TCF4: variants seen among roughly 807,000 people sequenced by gnomAD.
TCF4 encodes SL3-3 enhancer factor 2.
A neutral mutation model predicts 82.1 loss-of-function variants in TCF4; 3 were observed. The observed-to-expected ratio is 0.04, with a 90% confidence interval of 0.02 to 0.09. The LOEUF (loss-of-function observed/expected upper bound fraction) is 0.09. TCF4 is among the 10% of genes least tolerant of loss of function. The probability of loss-of-function intolerance (pLI) is 1.00; values close to 1 mark genes in which losing one functional copy is unlikely to be tolerated. For synonymous variants in TCF4, 276 were observed against 309.6 expected (o/e 0.89, Z 1.14); for missense variants, 518 against 852.7 (o/e 0.61, Z 4.89).
At chr18:55,287,850 ATATAGCT>A (rs2064053034) in intron 8 of TCF4, among the ~76,000 whole-genome samples, 1 of 152,188 alleles carries the variant, frequency 6.6e-6, no homozygotes, top group Admixed American at 6.5e-5. Context: ...TATGTTTTTC[ATATAGCT>A]GGCTGCAGTA....
At chr18:55,622,115 C>T (rs943639459) in intron 2 of TCF4, among the ~76,000 whole-genome samples, 3 of 144,142 alleles carry the variant, frequency 2.1e-5, no homozygotes, top group African/African-American at 5.2e-5. Context: ...AAATGGTCTA[C>T]ATTCACTTTA....
Position 55,269,904 on chromosome 18 carries a change from G to C in TCF4, c.849C>G (p.Phe283Leu). The C allele has an allele frequency of 6.2e-7, 1 of 1,613,378 alleles. No individual in the cohort carries two copies. Among genetic ancestry groups the C allele is most frequent in the Non-Finnish European group, 8.5e-7 (1 of 1,179,502 alleles). The change falls in exon 11 of 20, where the codon TTC becomes TTG. Residue 283 changes from phenylalanine to leucine, a missense_variant. By Grantham distance (22) the Phe-to-Leu change is conservative. Around this residue, in one of 7 missense-constraint regions of TCF4, gnomAD observed 211 missense variants for 327.4 expected, o/e 0.64. Transcript: ENST00000354452. ...TGTAATGGTTTGTACCACTACGATG[G>C]AAAGTGGACATCGGAGGAAGACTGG... ...INSSLPPMSTFHRSGTNHYST... is the reference protein window; with the variant it reads ...INSSLPPMSTLHRSGTNHYST...
intron 17 of TCF4, 47 bp from the exon 18 acceptor site, chr18:55,229,123 A>C (rs925596876): frequency 6.3e-7 from 1 of 1,598,074 alleles, no homozygotes; most frequent in Non-Finnish European, 8.6e-7. Context: ...GTGGGGAAAA[A>C]GAAGGTGTCT....
chr18:55,631,390 T>C lies in TCF4; in HGVS notation c.196-2A>G, dbSNP rs1360866334. 1.3e-6 allele frequency: 2 copies of C among 1,547,408 alleles called. No individual in the cohort carries two copies. The highest frequency in any genetic ancestry group is 2.5e-5 in the East Asian group (1 of 40,762). On this transcript the variant is annotated splice_acceptor_variant, in intron 1 of 20. Transcript: ENST00000398339. LOFTEE classifies it high-confidence loss of function. ...AGATTGGTGTTTACAAAACATTTGCTGCAGGGTGGAGAAAAGATGGTGGAC... is the reference window on the plus strand; with the variant it reads ...AGATTGGTGTTTACAAAACATTTGCCGCAGGGTGGAGAAAAGATGGTGGAC...
At chr18:55,606,604 TAGA>T (rs1291520812) in intron 2 of TCF4, among the ~76,000 whole-genome samples, 3 of 152,208 alleles carry the variant, frequency 2.0e-5, no homozygotes, top group African/African-American at 7.2e-5. Context: ...CAGATAAAGG[TAGA>T]AATTTCATTT....
At chr18:55,377,267 G>C (rs1569263016) in intron 6 of TCF4, among the ~76,000 whole-genome samples, 1 of 152,150 alleles carries the variant, frequency 6.6e-6, no homozygotes, top group Non-Finnish European at 1.5e-5. Flanking sequence ...AGGAGTTCAA[G>C]ACCAGCCTGG....
chr18:55,620,348 A>G (rs1961342), intron 2 of TCF4, among the ~76,000 whole-genome samples: 4,546 of 152,250 alleles, frequency 0.03, 217 homozygotes, highest in African/African-American at 0.1. Context: ...CCGACTAACA[A>G]TGCAAGACCC....
chr18:55,588,013 G>C, intron 1 of TCF4, 25 bp downstream of exon 1: 2 of 980,828 alleles, frequency 2.0e-6, no homozygotes, highest in Non-Finnish European at 2.4e-6. Context: ...CCGCCCCGCC[G>C]AGCCCCGCAG....
At chr18:55,629,475 A>C (rs1375614599) in intron 2 of TCF4, among the ~76,000 whole-genome samples, 1 of 152,226 alleles carries the variant, frequency 6.6e-6, no homozygotes, top group African/African-American at 2.4e-5. Flanking sequence ...GATGTTTGAC[A>C]GCCTCTTCCT....
intron 3 of TCF4, among the ~76,000 whole-genome samples, chr18:55,472,036 C>T (rs1290604102): frequency 6.6e-6 from 1 of 152,208 alleles, no homozygotes; most frequent in Non-Finnish European, 1.5e-5. Flanking sequence ...TAACATCCAA[C>T]TTAAACTTCC....
intron 11 of TCF4, chr18:55,266,412 A>ACC (rs2059185306): frequency 6.6e-6 from 1 of 151,966 alleles, no homozygotes; most frequent in Non-Finnish European, 1.5e-5. Flanking sequence ...ACTCCCAAAG[A>ACC]CCCCTGACAG....
chr18:55,548,346 G>C (rs139289383), intron 3 of TCF4, among the ~76,000 whole-genome samples: 8 of 152,298 alleles, frequency 5.3e-5, no homozygotes, highest in Middle Eastern at 3.4e-3. Flanking sequence ...TAGCCACACA[G>C]ATCTTGCCAA....
chr18:55,524,931 T>G (rs1225084268), intron 3 of TCF4, among the ~76,000 whole-genome samples: 1 of 152,224 alleles, frequency 6.6e-6, no homozygotes, highest in Non-Finnish European at 1.5e-5. Flanking sequence ...ACAACTCAAA[T>G]GAACAGCTGT....
intron 5 of TCF4, among the ~76,000 whole-genome samples, chr18:55,424,310 T>G (rs2094896232): frequency 6.6e-6 from 1 of 152,214 alleles, no homozygotes. Context: ...CAAGATTTTG[T>G]GTCTTAAAGA....
At chr18:55,616,776 C>A (rs890231868) in intron 2 of TCF4, among the ~76,000 whole-genome samples, 3 of 151,966 alleles carry the variant, frequency 2.0e-5, no homozygotes, top group Non-Finnish European at 4.4e-5. Context: ...CAGTCTTTTG[C>A]CCATTAAAAG....
At chr18:55,556,638 A>G (rs930757098) in intron 3 of TCF4, among the ~76,000 whole-genome samples, 2 of 152,230 alleles carry the variant, frequency 1.3e-5, no homozygotes, top group African/African-American at 2.4e-5. Context: ...TACAGGCATA[A>G]GCCAATACAC....
At chr18:55,426,393 G>C (rs1448215895) in intron 5 of TCF4, among the ~76,000 whole-genome samples, 2 of 152,152 alleles carry the variant, frequency 1.3e-5, no homozygotes, top group South Asian at 4.1e-4. Context: ...GACAGGTGAA[G>C]AGAGAACCAA....
In TCF4 at chr18:55,631,436, A is replaced by G. The variant is rs778117591; in HGVS notation, c.196-48T>C. ...TGGACATGTTAGAATGAAGGCAGGT[A>G]GACAAGTTAGAAGATGGTACTGGTA... is the stretch of plus-strand genomic sequence containing the variant. On this transcript the variant is annotated intron_variant, in intron 1 of 20. Transcript: ENST00000398339. The G allele has an allele frequency of 6.5e-6, 10 of 1,531,724 alleles. No homozygotes were observed. The South Asian group carries it at 1.2e-4, about 18-fold the overall frequency. 94.9% of individuals were successfully genotyped at this position (1,531,724 alleles called of 1,614,324 possible). A position where few individuals can be genotyped will look rare whatever the true frequency, so the allele number is the denominator to read the frequency against.
At chr18:55,521,511 C>T (rs1003238067) in intron 3 of TCF4, among the ~76,000 whole-genome samples, 5 of 152,190 alleles carry the variant, frequency 3.3e-5, no homozygotes, top group Non-Finnish European at 5.9e-5. Context: ...TTGCTACCTA[C>T]ATTATACGTT....
Sources: allele counts gnomAD v4.1 joint callset (sites outside exome capture counted in the v4.1 genomes callset), GRCh38; gene constraint gnomAD v4.1.1; regional missense constraint gnomAD v4.1.1; transcripts MANE v1.5; gene names NCBI Gene and HGNC (gene_info 2026-07-23, HGNC 2026-07-21).